EPHA2: variants seen among roughly 807,000 people sequenced by gnomAD.
EPHA2 encodes EPH receptor A2, also known as ephrin type-A receptor 2.
A neutral mutation model predicts 104.9 loss-of-function variants in EPHA2; 54 were observed. The ratio of observed to expected loss-of-function variants is 0.51; its 90% CI spans 0.41 to 0.65. EPHA2 has a LOEUF of 0.65. Among genes scored for constraint, EPHA2 ranks in the 30% least tolerant of loss-of-function variants. EPHA2 has a pLI of 0.00. For missense variants in EPHA2, 1,117 were observed against 1,369.5 expected, an observed-to-expected ratio of 0.82 and a Z score of 2.91; for synonymous variants, 560 against 559.1, an observed-to-expected ratio of 1.00 and a Z score of -0.02.
chr1:16,155,217 A>T (rs1265179100), intron 1 of EPHA2: 2 of 152,176 alleles, frequency 1.3e-5, no homozygotes, highest in African/African-American at 2.4e-5. Flanking sequence ...TCCTGTCCGC[A>T]CTCGCGGCCC....
Position 16,156,027 on chromosome 1 carries a change from G to A in EPHA2, c.-95C>T. 2 of 1,123,976 alleles carry A rather than the reference G, an allele frequency of 1.8e-6. No individual in the cohort carries two copies. Among genetic ancestry groups the A allele is most frequent in the South Asian group, 1.8e-5 (1 of 55,918 alleles). 69.6% of individuals were successfully genotyped at this position (1,123,976 alleles called of 1,614,324 possible). The stretch of plus-strand genomic sequence containing the variant: ...GCCTCGGTGTCCGCTCCCGCCCGCC[G>A]GCCTGCGCGCAACTTCTGCCCCTCC... On this transcript the variant is annotated 5_prime_UTR_variant, in exon 1 of 17. Coordinates refer to ENST00000358432, the MANE Select transcript of EPHA2 (RefSeq NM_004431.5).
At chr1:16,132,316 C>T (rs1242871282) in intron 12 of EPHA2, 43 bp from the exon 13 acceptor site, 10 of 1,614,026 alleles carry the variant, frequency 6.2e-6, no homozygotes, top group Admixed American at 1.7e-5. Context: ...GCCCTGAACC[C>T]GCCAGGCCAG....
At chr1:16,137,775 C>T (rs1231816016) in intron 5 of EPHA2, 78 bp downstream of exon 5, 20 of 1,557,118 alleles carry the variant, frequency 1.3e-5, no homozygotes, top group Non-Finnish European at 1.6e-5. Flanking sequence ...TAAACACACC[C>T]GAGCCCCAGA....
In EPHA2 at chr1:16,153,308, T is replaced by A. The variant is rs770313025; in HGVS notation, c.86-2345A>T. The A allele has an allele frequency of 1.1e-3, 1,111 of 985,200 alleles. 1 individual carries two copies. The highest frequency in any genetic ancestry group is 1.3e-3 in the Non-Finnish European group (1,082 of 829,866). 61.0% of individuals were successfully genotyped at this position (985,200 alleles called of 1,614,324 possible). Reference sequence around the variant, plus strand: ...GTGGTTCCCTCCCCGCTTCCCCCATTCCTCTCTAACCAAGACTAGCTAATC... The same window carrying A: ...GTGGTTCCCTCCCCGCTTCCCCCATACCTCTCTAACCAAGACTAGCTAATC... On this transcript the variant is annotated intron_variant, in intron 1 of 16. Transcript: ENST00000358432.
chr1:16,155,674 C>A (rs1388738558), intron 1 of EPHA2, 174 bp downstream of exon 1: 3 of 479,328 alleles, frequency 6.3e-6, no homozygotes, highest in African/African-American at 6.1e-5. Context: ...GCCCCTATGA[C>A]CCCGGGTGGG....
In EPHA2 at chr1:16,135,271, G is replaced by A. The variant is rs1193707417; in HGVS notation, c.1429-82C>T. On this transcript the variant is annotated intron_variant, in intron 6 of 16. Coordinates refer to ENST00000358432, the MANE Select transcript of EPHA2 (RefSeq NM_004431.5). This position sits in a 1 kb window ranked among gnomAD's most constrained non-coding sequence, Gnocchi z 4.3. Reference sequence around the variant, plus strand: ...CTCAGCCCGCTGGAGACCACCCCAAGCTAGCAAGGTGGCTTGCCTTTGTTA... The same window carrying A: ...CTCAGCCCGCTGGAGACCACCCCAAACTAGCAAGGTGGCTTGCCTTTGTTA... 6 of 1,582,658 alleles carry A rather than the reference G, an allele frequency of 3.8e-6. No individual in the cohort carries two copies. The highest frequency in any genetic ancestry group is 2.2e-5 in the East Asian group (1 of 44,594).
intron 9 of EPHA2, 52 bp from the exon 10 acceptor site, chr1:16,133,658 G>T (rs768131050): frequency 1.9e-6 from 3 of 1,610,762 alleles, no homozygotes; most frequent in Non-Finnish European, 2.5e-6. Context: ...GCCCCATGGG[G>T]GGTGCTCTGG....
rs1325664643 is a variant in EPHA2 at position 16,148,792 on chromosome 1, G to A, written c.409C>T (p.Arg137Cys). Residue 137 changes from arginine to cysteine, a missense_variant, in exon 3 of 17, where the codon CGC becomes TGC. Physicochemically the swap from Arg to Cys is radical, Grantham distance 180. Transcript: ENST00000358432. This position sits in a 1 kb window ranked among gnomAD's most constrained non-coding sequence, Gnocchi z 4.9. ...ATGGTGTCAATCTTGGTGAACAGGC[G>A]CTTCTGGAAGTTGGTGCCGTAGTCC... ...DLDYGTNFQK[R>C]LFTKIDTIAP... 4 of 1,614,128 alleles carry A rather than the reference G, an allele frequency of 2.5e-6. No homozygotes were observed. Among genetic ancestry groups the A allele is most frequent in the African/African-American group, 1.3e-5 (1 of 75,066 alleles).
At chr1:16,137,806 C>T (rs1242609006) in intron 5 of EPHA2, 47 bp downstream of exon 5, 12 of 1,610,054 alleles carry the variant, frequency 7.5e-6, no homozygotes, top group Non-Finnish European at 1.0e-5. Context: ...CCTTAAGCCC[C>T]ACCTGGGCAG....
intron 3 of EPHA2, among the ~76,000 whole-genome samples, chr1:16,147,785 A>C (rs190008914): frequency 6.6e-6 from 1 of 151,908 alleles, no homozygotes; most frequent in East Asian, 1.9e-4. Context: ...CACAGCTAAA[A>C]ATGTAGACCT....
rs1306210984 is a variant in EPHA2 at position 16,137,941 on chromosome 1, G to A, written c.1224C>T (p.Tyr408=). The A allele has an allele frequency of 5.6e-6, 9 of 1,614,194 alleles. No homozygotes were observed. Among genetic ancestry groups the A allele is most frequent in the Non-Finnish European group, 7.6e-6 (9 of 1,180,048 alleles). Reference sequence around the variant, plus strand: ...CATTGCGGGCCTCCACGGTGAAGGTGTAGTTCATGTGGGGCTCCAGGTCGC... The same window carrying A: ...CATTGCGGGCCTCCACGGTGAAGGTATAGTTCATGTGGGGCTCCAGGTCGC... ...TVSDLEPHMN[Y]TFTVEARNGV... Residue 408 remains tyrosine, a synonymous_variant, in exon 5 of 17, where the codon TAC becomes TAT. Transcript: ENST00000358432.
chr1:16,138,181 G>C lies in EPHA2; in HGVS notation c.984C>G (p.Pro328=). The change falls in exon 5 of 17, where the codon CCC becomes CCG. Residue 328 remains proline, a synonymous_variant. Transcript: ENST00000358432. The part of the protein sequence containing the change: ...QDPASMPCTR[P]PSAPHYLTAV... ...CTGTGAGGTAGTGTGGGGCGGAGGG[G>C]GGTCCTGCACAGACAGGAGGAGTCA... 2 of 1,609,822 alleles carry C rather than the reference G, an allele frequency of 1.2e-6. No homozygotes were observed. The highest frequency in any genetic ancestry group is 1.7e-6 in the Non-Finnish European group (2 of 1,179,894).
Position 16,138,430 on chromosome 1 carries a change from G to A in EPHA2, c.824C>T (p.Ala275Val), listed in dbSNP as rs2024762149. ...GYEKVEDACQ[A>V]CSPGFFKFEA... ...AAACTTAAAAAATCCAGGCGAGCAG[G>A]CTGGTGGACACAGGACAGACAGAGC... is the stretch of plus-strand genomic sequence containing the variant. Residue 275 changes from alanine (A) to valine (V), a missense_variant and splice_region_variant, in exon 4 of 17, where the codon GCC becomes GTC. Coordinates refer to ENST00000358432, the MANE Select transcript of EPHA2 (RefSeq NM_004431.5). 5 of 1,613,576 alleles carry A rather than the reference G, an allele frequency of 3.1e-6. No homozygotes were observed. The highest frequency in any genetic ancestry group is 3.4e-6 in the Non-Finnish European group (4 of 1,180,022).
chr1:16,152,958 C>A (rs923014084), intron 1 of EPHA2, among the ~76,000 whole-genome samples: 1 of 152,166 alleles, frequency 6.6e-6, no homozygotes, highest in African/African-American at 2.4e-5. Flanking sequence ...TCCGCCCTGA[C>A]GCGGGCGCGG....
rs1557508229 is a variant in EPHA2, at chr1:16,137,884, G to T, written c.1281C>A (p.Phe427Leu). ...GGTTGATGCTGACACTGGCAGTACG[G>T]AAGCTGCGGCTGGTTACCAGGCCTG... ...GVSGLVTSRS[F>L]RTASVSINQT... The change falls in exon 5 of 17, where the codon TTC becomes TTA. Residue 427 changes from phenylalanine (F) to leucine (L), a missense_variant. Around this residue, in one of 3 missense-constraint regions of EPHA2, gnomAD observed 664 missense variants for 784.8 expected, o/e 0.85. Transcript: ENST00000358432. 1 of 1,613,960 alleles carries T rather than the reference G, an allele frequency of 6.2e-7. No homozygotes were observed. The highest frequency in any genetic ancestry group is 8.5e-7 in the Non-Finnish European group (1 of 1,179,966).
Position 16,136,713 on chromosome 1 carries a change from AAAGAAGAAGAAGAAG to A in EPHA2, c.1313-958_1313-944del, listed in dbSNP as rs202150956. On this transcript the variant is annotated intron_variant, in intron 5 of 16. Coordinates refer to ENST00000358432, the MANE Select transcript of EPHA2 (RefSeq NM_004431.5). ...AAGAGGAAGAAGAAGAAGAAGAAGA[AAAGAAGAAGAAGAAG>A]AAGAAGAAGAAGAAGAAGAAGAAGA... Among the ~76,000 whole-genome samples, 117 of 102,734 alleles carry A rather than the reference AAAGAAGAAGAAGAAG, an allele frequency of 1.1e-3. 1 individual carries two copies. Among genetic ancestry groups the A allele is most frequent in the Admixed American group, 4.5e-3 (49 of 10,834 alleles). The allele number at this position is 102,734 out of a possible 152,430, so 67.4% of individuals were successfully genotyped here.
intron 3 of EPHA2, among the ~76,000 whole-genome samples, chr1:16,140,355 G>A (rs1262070340): frequency 6.6e-6 from 1 of 152,204 alleles, no homozygotes; most frequent in East Asian, 1.9e-4. Flanking sequence ...AGGAGGCCCG[G>A]GACCCGACTC....
intron 1 of EPHA2, 78 bp downstream of exon 1, chr1:16,155,770 T>TGC (rs1277209398): frequency 8.5e-7 from 1 of 1,174,364 alleles, no homozygotes; most frequent in East Asian, 3.2e-5. Context: ...GTTCCAAAGT[T>TGC]GCGCGCGTCA....
intron 5 of EPHA2, among the ~76,000 whole-genome samples, chr1:16,136,162 G>A (rs1006949179): frequency 1.3e-5 from 2 of 151,938 alleles, no homozygotes; most frequent in East Asian, 3.9e-4. Context: ...TGGTCACCAC[G>A]CCCAGCTCCC....
Sources: allele counts gnomAD v4.1 joint callset (sites outside exome capture counted in the v4.1 genomes callset), GRCh38; gene constraint gnomAD v4.1.1; regional missense constraint gnomAD v4.1.1; non-coding constraint Gnocchi (gnomAD v3.1); transcripts MANE v1.5; gene names NCBI Gene and HGNC (gene_info 2026-07-23, HGNC 2026-07-21).